Variants in IL17D observed in about 807,000 individuals in gnomAD.
IL17D encodes interleukin-17D.
IL17D carries 10 observed loss-of-function variants against 5.7 expected under a neutral mutation model. The observed-to-expected ratio is 1.75, with a 90% CI of 1.08 to 2.97. IL17D has a LOEUF of 2.97. IL17D is among the 30% of genes most tolerant of loss of function. The pLI is 0.00. For synonymous variants in IL17D, 172 were observed against 141.7 expected, an observed-to-expected ratio of 1.21 and a Z score of -1.52; for missense variants, 354 against 292.7, an observed-to-expected ratio of 1.21 and a Z score of -1.53.
At chr13:20,719,165 A>G (rs1207694516) in intron 1 of IL17D, among the ~76,000 whole-genome samples, 7 of 140,422 alleles carry the variant, frequency 5.0e-5, no homozygotes, top group African/African-American at 1.9e-4. Flanking sequence ...ACACCTGCCC[A>G]TCACGCACGC....
chr13:20,720,818 A>C (rs2058725656), intron 1 of IL17D, among the ~76,000 whole-genome samples: 1 of 150,764 alleles, frequency 6.6e-6, no homozygotes, highest in South Asian at 2.1e-4. Flanking sequence ...GCTTCCTCTG[A>C]TGGCAGCTTG....
chr13:20,718,073 G>T (rs1184724155), intron 1 of IL17D, among the ~76,000 whole-genome samples: 1 of 152,072 alleles, frequency 6.6e-6, no homozygotes, highest in Admixed American at 6.5e-5. Context: ...CACCCCACCC[G>T]TGAAGAGACT....
intron 1 of IL17D, among the ~76,000 whole-genome samples, chr13:20,704,835 T>C (rs1290475457): frequency 1.3e-5 from 2 of 152,086 alleles, no homozygotes; most frequent in East Asian, 3.9e-4. Flanking sequence ...ATTTCCTGAG[T>C]GCCCCTGTGG....
At chr13:20,710,956 G>A (rs554231960) in intron 1 of IL17D, among the ~76,000 whole-genome samples, 1 of 152,192 alleles carries the variant, frequency 6.6e-6, no homozygotes, top group Admixed American at 6.5e-5. Flanking sequence ...ATACCACAGA[G>A]CGGGTAATTT....
chr13:20,704,216 C>T lies in IL17D; in HGVS notation c.215C>T (p.Pro72Leu), dbSNP rs199571028. The change falls in exon 1 of 2, where the codon CCG (proline) becomes CTG (leucine). Residue 72 changes from proline (P) to leucine (L), a missense_variant. Coordinates refer to ENST00000682841, the MANE Select transcript of IL17D (RefSeq NM_001385224.1). ...PREQARNASC[P>L]AGGRPADRRF... ...GAGCAGGCGCGCAACGCGAGCTGCC[C>T]GGCAGGGGGCAGGCCCGCCGACCGC... The T allele has an allele frequency of 2.1e-5, 29 of 1,360,700 alleles. No homozygotes were observed. Among genetic ancestry groups the T allele is most frequent in the East Asian group, 1.7e-4 (5 of 29,618 alleles). The allele number at this position is 1,360,700 out of a possible 1,614,324, so 84.3% of individuals were successfully genotyped here.
chr13:20,720,212 G>T (rs541276880), intron 1 of IL17D, among the ~76,000 whole-genome samples: 1 of 152,166 alleles, frequency 6.6e-6, no homozygotes, highest in East Asian at 1.9e-4. Context: ...GCCTCTATTT[G>T]TTCTCCCTCC....
In IL17D at chr13:20,721,354, G is replaced by A. The variant is rs547555015; in HGVS notation, c.291-282G>A. On this transcript the variant is annotated intron_variant, in intron 1 of 1. Coordinates refer to ENST00000682841, the MANE Select transcript of IL17D (RefSeq NM_001385224.1). ...CATTCTGTTCTGGTGGCACCTGTGG[G>A]CACCCGTGCAGGCGGCATAGATTTT... Among the ~76,000 whole-genome samples, 38 of 152,356 alleles carry A rather than the reference G, an allele frequency of 2.5e-4. No homozygotes were observed. The East Asian group carries it at 6.9e-3, about 28-fold the overall frequency.
intron 1 of IL17D, among the ~76,000 whole-genome samples, chr13:20,719,631 A>G (rs2058715872): frequency 6.6e-6 from 1 of 152,228 alleles, no homozygotes; most frequent in Non-Finnish European, 1.5e-5. Context: ...CCCATATACC[A>G]TTTACCTGGG....
rs536739886 is a variant in IL17D at position 20,707,344 on chromosome 13, G to A, written c.290+3053G>A. The stretch of plus-strand genomic sequence containing the variant: ...GTGGTCATGTTTGCCTGTGGTCCCA[G>A]CTACTTGGGAAGTTTGAGCCAGGGA... On this transcript the variant is annotated intron_variant, in intron 1 of 1. Transcript: ENST00000682841. 2.7e-5 allele frequency among the ~76,000 whole-genome samples: 4 copies of A among 149,006 alleles called. No individual in the cohort carries two copies. In the East Asian group the frequency reaches 7.9e-4, roughly 29 times the overall value.
At chr13:20,715,906 C>T (rs371743369) in intron 1 of IL17D, 7 of 153,964 alleles carry the variant, frequency 4.5e-5, no homozygotes, top group African/African-American at 1.7e-4. Context: ...ACGCCTGGCT[C>T]ATTTTTATTC....
At chr13:20,717,543 C>A (rs1410924701) in intron 1 of IL17D, among the ~76,000 whole-genome samples, 1 of 152,210 alleles carries the variant, frequency 6.6e-6, no homozygotes, top group Non-Finnish European at 1.5e-5. Flanking sequence ...CTCTCATGAC[C>A]TCTTTCCCAG....
chr13:20,704,748 G>A (rs1313606438), intron 1 of IL17D, among the ~76,000 whole-genome samples: 1 of 151,988 alleles, frequency 6.6e-6, no homozygotes, highest in Non-Finnish European at 1.5e-5. Context: ...CCGTGATGTG[G>A]ACACAGTGAT....
chr13:20,710,941 C>G (rs1482771371), intron 1 of IL17D, among the ~76,000 whole-genome samples: 1 of 152,114 alleles, frequency 6.6e-6, no homozygotes, highest in Non-Finnish European at 1.5e-5. Flanking sequence ...CTGCTGCCAT[C>G]ACAGATACCA....
chr13:20,704,316 G>T (rs1726559509), intron 1 of IL17D, 25 bp downstream of exon 1: 1 of 1,183,114 alleles, frequency 8.5e-7, no homozygotes, highest in Non-Finnish European at 1.0e-6. Context: ...CGTCCTGGCG[G>T]GGCCCGGCAG....
At chr13:20,701,897 C>T (rs1195391885), upstream of IL17D, 1 of 152,156 alleles carries the variant, frequency 6.6e-6, no homozygotes, top group Non-Finnish European at 1.5e-5. Flanking sequence ...TTTTCCTTCC[C>T]ACTTCCAAGG....
At position 20,703,876 on chromosome 13, in the gene IL17D, T is replaced by C. The variant is rs1322447854; in HGVS notation, c.-126T>C. On this transcript the variant is annotated 5_prime_UTR_variant, in exon 1 of 2. Coordinates refer to ENST00000682841, the MANE Select transcript of IL17D (RefSeq NM_001385224.1). ...GGCTCCCATCCTCCGGGCCGGCCTCTGGCTCCGCGGGGCGAGGGGAGGCGC... is the reference window on the plus strand; with the variant it reads ...GGCTCCCATCCTCCGGGCCGGCCTCCGGCTCCGCGGGGCGAGGGGAGGCGC... The C allele has an allele frequency of 9.0e-6, 3 of 334,908 alleles. No individual in the cohort carries two copies. Among genetic ancestry groups the C allele is most frequent in the Non-Finnish European group, 1.3e-5 (3 of 239,030 alleles). 20.7% of individuals were successfully genotyped at this position (334,908 alleles called of 1,614,324 possible).
At chr13:20,710,372 G>A (rs2058625098) in intron 1 of IL17D, among the ~76,000 whole-genome samples, 1 of 150,656 alleles carries the variant, frequency 6.6e-6, no homozygotes, top group Non-Finnish European at 1.5e-5. Flanking sequence ...CCAGCGCTTT[G>A]GGAGGCCGAG....
At chr13:20,707,276 C>A (rs1191327411) in intron 1 of IL17D, among the ~76,000 whole-genome samples, 1 of 151,682 alleles carries the variant, frequency 6.6e-6, no homozygotes, top group Non-Finnish European at 1.5e-5. Context: ...CCAGCCTGGG[C>A]AACATAGTAT....
At chr13:20,702,069 A>G (rs2058550925), upstream of IL17D, 4 of 152,328 alleles carry the variant, frequency 2.6e-5, no homozygotes, top group South Asian at 8.3e-4. Context: ...AACCCTCATA[A>G]TGATACTCTC....
Sources: allele counts gnomAD v4.1 joint callset (sites outside exome capture counted in the v4.1 genomes callset), GRCh38; gene constraint gnomAD v4.1.1; transcripts MANE v1.5; gene names NCBI Gene and HGNC (gene_info 2026-07-23, HGNC 2026-07-21).